Variants in TBC1D14 observed in about 807,000 individuals in gnomAD.
The protein encoded by TBC1D14 is TBC1 domain family, member 14.
Under a neutral mutation model 79.0 loss-of-function variants are expected in TBC1D14, and 26 were observed. That is an observed-to-expected ratio of 0.33 (90% CI 0.24 to 0.46). TBC1D14 has a LOEUF of 0.46. TBC1D14 is among the 20% of genes least tolerant of loss of function. The pLI is 1.00. For synonymous variants in TBC1D14, 394 were observed against 349.9 expected (o/e 1.13, Z -1.40); for missense variants, 769 against 887.6 (o/e 0.87, Z 1.70).
rs1032926310 is a variant in TBC1D14, at chr4:7,013,032, T to C, written c.1648-1416T>C. Among the ~76,000 whole-genome samples, 18 of 152,236 alleles carry C rather than the reference T, an allele frequency of 1.2e-4. No homozygotes were observed. The East Asian group carries it at 3.1e-3, about 26-fold the overall frequency. ...TCTAAGTTTCTGCTGATTTTGAAGA[T>C]AAGACCCCAGCTTTCTCTTTGGAAA... On this transcript the variant is annotated intron_variant, in intron 11 of 13. Transcript: ENST00000409757.
At chr4:7,027,445 TAG>T (rs1722503953) in intron 13 of TBC1D14, among the ~76,000 whole-genome samples, 1 of 92,524 alleles carries the variant, frequency 1.1e-5, no homozygotes, top group Non-Finnish European at 2.0e-5. Flanking sequence ...ACCCCACACA[TAG>T]ACACGCACAG....
At chr4:7,003,711 A>G (rs1394233714) in intron 7 of TBC1D14, among the ~76,000 whole-genome samples, 1 of 152,170 alleles carries the variant, frequency 6.6e-6, no homozygotes, top group African/African-American at 2.4e-5. Context: ...CATCAGAGCC[A>G]GAGGAGTGGC....
At chr4:6,976,926 A>G (rs1348727041) in intron 3 of TBC1D14, among the ~76,000 whole-genome samples, 1 of 151,932 alleles carries the variant, frequency 6.6e-6, no homozygotes, top group African/African-American at 2.4e-5. Context: ...TCACAAAACC[A>G]CAGTTGAATA....
chr4:6,978,586 C>T (rs1157642250), intron 3 of TBC1D14, among the ~76,000 whole-genome samples: 4 of 148,840 alleles, frequency 2.7e-5, no homozygotes, highest in Admixed American at 1.3e-4. Flanking sequence ...CTCAAGTACC[C>T]AGGGACACAA....
chr4:6,954,126 T>C (rs1577079458), intron 2 of TBC1D14: 2 of 600,210 alleles, frequency 3.3e-6, no homozygotes, highest in Non-Finnish European at 6.0e-6. Context: ...CGCCCCCGCC[T>C]TTCCGCCGGC....
At chr4:6,961,837 A>G (rs2109032818) in intron 2 of TBC1D14, among the ~76,000 whole-genome samples, 1 of 152,236 alleles carries the variant, frequency 6.6e-6, no homozygotes, top group Middle Eastern at 3.4e-3. Flanking sequence ...GCAGCCGAAA[A>G]AAGGCAGGAG....
chr4:6,989,990 C>G (rs1015180365), intron 3 of TBC1D14, among the ~76,000 whole-genome samples: 3 of 152,206 alleles, frequency 2.0e-5, no homozygotes, highest in African/African-American at 7.2e-5. Context: ...GAAATTATCC[C>G]CAGTTAGACA....
intron 9 of TBC1D14, 75 bp from the exon 10 acceptor site, chr4:7,009,802 T>C (rs1720561853): frequency 5.0e-6 from 7 of 1,406,858 alleles, no homozygotes; most frequent in Non-Finnish European, 7.0e-6. Flanking sequence ...GCGGCAGCAG[T>C]AGTAGTATCA....
At chr4:7,000,452 C>A (rs1241033077) in intron 6 of TBC1D14, among the ~76,000 whole-genome samples, 3 of 152,184 alleles carry the variant, frequency 2.0e-5, no homozygotes, top group African/African-American at 7.2e-5. Context: ...TGTCCGGATT[C>A]CACAGGTAAG....
At chr4:6,929,464 C>T (rs1560252693) in intron 2 of TBC1D14, among the ~76,000 whole-genome samples, 1 of 152,112 alleles carries the variant, frequency 6.6e-6, no homozygotes, top group East Asian at 1.9e-4. Flanking sequence ...AAAGAAGTAA[C>T]AGGGCTGAGA....
At chr4:6,995,886 G>A (rs1200912552) in intron 4 of TBC1D14, 2 of 157,432 alleles carry the variant, frequency 1.3e-5, no homozygotes, top group East Asian at 3.8e-4. Context: ...GCCCAGGCTG[G>A]AGTGCAGTGG....
Position 6,996,262 on chromosome 4 carries a change from T to C in TBC1D14, c.963-63T>C, listed in dbSNP as rs573211315. 3 of 1,382,084 alleles carry C rather than the reference T, an allele frequency of 2.2e-6. No homozygotes were observed. The South Asian group carries it at 3.7e-5, about 17-fold the overall frequency. The allele number at this position is 1,382,084 out of a possible 1,614,324, so 85.6% of individuals were successfully genotyped here. ...ATTTTTTAGGAAATTATGCTTCAGG[T>C]TTTTTCTGAAAGACTTCTATGCGGT... is the stretch of plus-strand genomic sequence containing the variant. On this transcript the variant is annotated intron_variant, in intron 4 of 13. Transcript: ENST00000409757.
intron 3 of TBC1D14, among the ~76,000 whole-genome samples, chr4:6,986,557 G>A (rs370264538): frequency 6.6e-6 from 1 of 152,216 alleles, no homozygotes; most frequent in African/African-American, 2.4e-5. Context: ...GAGATCTGCG[G>A]GGGGAGCCTT....
At position 7,006,114 on chromosome 4, in the gene TBC1D14, C is replaced by T. The variant is rs182052436; in HGVS notation, c.1352-518C>T. Among the ~76,000 whole-genome samples, 360 of 152,176 alleles carry T rather than the reference C, an allele frequency of 2.4e-3. 3 individuals carry two copies. Among genetic ancestry groups the T allele is most frequent in the Non-Finnish European group, 3.1e-3 (212 of 67,988 alleles). On this transcript the variant is annotated intron_variant, in intron 8 of 13. Transcript: ENST00000409757. ...TAGCACTTTGGGAGGCTGAGGTGGG[C>T]AGATAAGGCCAGGAGTTCAAAGCCA... is the stretch of plus-strand genomic sequence containing the variant.
chr4:6,935,311 T>C (rs1424165338), intron 2 of TBC1D14, among the ~76,000 whole-genome samples: 2 of 152,066 alleles, frequency 1.3e-5, no homozygotes, highest in African/African-American at 4.8e-5. Flanking sequence ...AACAACCTAG[T>C]AAGAGAATAA....
intron 12 of TBC1D14, among the ~76,000 whole-genome samples, chr4:7,017,002 G>GA (rs781410942): frequency 6.6e-5 from 10 of 151,950 alleles, no homozygotes; most frequent in Non-Finnish European, 1.5e-4. Context: ...TTTTATAGAG[G>GA]AAAAAAACAG....
Position 7,015,909 on chromosome 4 carries a change from C to G in TBC1D14, c.1757+1352C>G, listed in dbSNP as rs115825347. Among the ~76,000 whole-genome samples the G allele has an allele frequency of 5.3e-3, 803 of 152,370 alleles. 10 individuals carry two copies. Among genetic ancestry groups the G allele is most frequent in the African/African-American group, 0.018 (766 of 41,586 alleles). On this transcript the variant is annotated intron_variant, in intron 12 of 13. Transcript: ENST00000409757. Reference sequence around the variant, plus strand: ...CAGAAGTAAAGAATGTACTATTCGACCAGAAAGGCACGTTCCACTAAATCG... The same window carrying G: ...CAGAAGTAAAGAATGTACTATTCGAGCAGAAAGGCACGTTCCACTAAATCG...
intron 5 of TBC1D14, 72 bp downstream of exon 5, chr4:6,996,479 T>C: frequency 8.1e-7 from 1 of 1,239,432 alleles, no homozygotes; most frequent in Non-Finnish European, 1.2e-6. Flanking sequence ...ATTTTCTTTT[T>C]ACCATTTGGA....
At chr4:6,931,054 C>T (rs1711675887) in intron 2 of TBC1D14, among the ~76,000 whole-genome samples, 1 of 152,040 alleles carries the variant, frequency 6.6e-6, no homozygotes, top group African/African-American at 2.4e-5. Flanking sequence ...GTGCGCACTA[C>T]CACACCCAGG....
Sources: gnomAD v4.1 joint callset for allele counts (sites outside exome capture counted in the v4.1 genomes callset) on GRCh38, gnomAD v4.1.1 for gene constraint, MANE v1.5 for transcripts, NCBI Gene and HGNC (gene_info 2026-07-23, HGNC 2026-07-21) for gene names.